AFF1: variants seen among roughly 807,000 people sequenced by gnomAD.
The protein encoded by AFF1 is AF4/FMR2 family member 1.
Under a neutral mutation model 121.7 loss-of-function variants are expected in AFF1, and 48 were observed. The ratio of observed to expected loss-of-function variants is 0.39; its 90% CI spans 0.31 to 0.50. The LOEUF (loss-of-function observed/expected upper bound fraction) is 0.50. Among genes scored for constraint, AFF1 ranks in the 20% least tolerant of loss-of-function variants. The probability of loss-of-function intolerance (pLI) is 0.76; values close to 1 mark genes in which losing one functional copy is unlikely to be tolerated. For synonymous variants in AFF1, 613 were observed against 563.0 expected, an observed-to-expected ratio of 1.09 and a Z score of -1.26; for missense variants, 1,523 against 1,511.7, an observed-to-expected ratio of 1.01 and a Z score of -0.12.
At chr4:87,007,084 T>G in intron 2 of AFF1, 1 of 1,234,946 alleles carries the variant, frequency 8.1e-7, no homozygotes, top group Non-Finnish European at 1.0e-6. Flanking sequence ...CCCGCTGGCT[T>G]TCCCTTCTCA....
At chr4:87,027,784 GTTTTTTTTTT>G in intron 2 of AFF1, among the ~76,000 whole-genome samples, 1 of 90,598 alleles carries the variant, frequency 1.1e-5, no homozygotes, top group East Asian at 3.6e-4. Context: ...TTGCTGTTGG[GTTTTTTTTTT>G]TTTTTTTTTT....
intron 8 of AFF1, 122 bp downstream of exon 8, chr4:87,095,091 A>G (rs1560619545): frequency 1.1e-6 from 1 of 882,546 alleles, no homozygotes; most frequent in South Asian, 1.6e-5. Flanking sequence ...GCTGCATTCT[A>G]AAGGGAAGAA....
rs553660532 is a variant in AFF1, at chr4:86,940,757, C to CT, written c.-37+5525dup. Among the ~76,000 whole-genome samples the CT allele has an allele frequency of 8.5e-3, 1,298 of 152,020 alleles. 24 individuals carry two copies. Among genetic ancestry groups the CT allele is most frequent in the African/African-American group, 0.03 (1,248 of 41,440 alleles). ...TCTGCTCTTCACAGGGAGATTTTATCTTTTTTTTATTTTTCTTTCCCCTAA... is the reference window on the plus strand; with the variant it reads ...TCTGCTCTTCACAGGGAGATTTTATCTTTTTTTTTATTTTTCTTTCCCCTAA... On this transcript the variant is annotated intron_variant, in intron 1 of 20. Coordinates refer to ENST00000395146, the MANE Select transcript of AFF1 (RefSeq NM_001166693.3).
At chr4:87,031,872 ATGTC>A (rs1307484778) in intron 2 of AFF1, among the ~76,000 whole-genome samples, 2 of 152,338 alleles carry the variant, frequency 1.3e-5, no homozygotes, top group Admixed American at 1.3e-4. Flanking sequence ...TCTCAAGTGT[ATGTC>A]TTTCTTAATT....
chr4:87,013,058 T>TTTTTTTTTTG (rs1726958868), intron 2 of AFF1, among the ~76,000 whole-genome samples: 1 of 71,620 alleles, frequency 1.4e-5, no homozygotes, highest in African/African-American at 3.5e-5. Flanking sequence ...TTTTTTTTTT[T>TTTTTTTTTTG]GGGAGACGGA....
chr4:86,967,425 A>C (rs1316410122), intron 2 of AFF1, among the ~76,000 whole-genome samples: 2 of 152,226 alleles, frequency 1.3e-5, no homozygotes, highest in Non-Finnish European at 2.9e-5. Context: ...CTGGTGAGCC[A>C]TGCTAAGAAA....
At chr4:87,130,926 A>G (rs1311736817) in intron 16 of AFF1, among the ~76,000 whole-genome samples, 157 bp from the exon 17 acceptor site, 1 of 152,244 alleles carries the variant, frequency 6.6e-6, no homozygotes, top group East Asian at 1.9e-4. Context: ...CATAGCTGAC[A>G]GGCTTTGGTT....
intron 4 of AFF1, among the ~76,000 whole-genome samples, chr4:87,064,554 CAACATGGTGAGACTGTCTCTACAA>C (rs1195783676): frequency 1.3e-5 from 2 of 152,136 alleles, no homozygotes; most frequent in African/African-American, 2.4e-5. Context: ...CCAACCTGGA[CAACATGGTGAGACTGTCTCTACAA>C]AACATTTTAA....
intron 1 of AFF1, among the ~76,000 whole-genome samples, chr4:86,938,505 CAG>C (rs34210069): frequency 0.062 from 9,207 of 148,902 alleles, 402 homozygotes; most frequent in Non-Finnish European, 0.089. Context: ...CATAAATATA[CAG>C]AGTTTGATTA....
intron 1 of AFF1, among the ~76,000 whole-genome samples, chr4:86,946,271 TC>T (rs1215289445): frequency 2.0e-5 from 3 of 152,208 alleles, no homozygotes; most frequent in Non-Finnish European, 2.9e-5. Context: ...ATTTTGCTTT[TC>T]TAACATCTAT....
At chr4:87,110,939 A>C (rs1726434991) in intron 11 of AFF1, among the ~76,000 whole-genome samples, 2 of 152,132 alleles carry the variant, frequency 1.3e-5, no homozygotes, top group South Asian at 4.1e-4. Flanking sequence ...ACAAAGATAA[A>C]ATATTCCCAG....
chr4:86,983,724 A>AG (rs935810380), intron 2 of AFF1, among the ~76,000 whole-genome samples: 1 of 142,064 alleles, frequency 7.0e-6, no homozygotes, highest in African/African-American at 2.6e-5. Context: ...AAAAACCAAA[A>AG]AAAAAAACAA....
rs1578046231 is a variant in AFF1, at chr4:87,007,525, C to T, written c.39-38641C>T. ...TGCGGGGAAGGAGACGGACAGGAAG[C>T]AGCTTTGTCATTGCCTTCTCATCAT... On this transcript the variant is annotated intron_variant, in intron 2 of 20. Coordinates refer to ENST00000395146, the MANE Select transcript of AFF1 (RefSeq NM_001166693.3). 6.0e-6 allele frequency: 9 copies of T among 1,491,314 alleles called. No individual in the cohort carries two copies. The South Asian group carries it at 9.2e-5, about 15-fold the overall frequency. 92.4% of individuals were successfully genotyped at this position (1,491,314 alleles called of 1,614,324 possible).
chr4:87,060,836 A>C (rs1197201207), intron 4 of AFF1, among the ~76,000 whole-genome samples: 250 of 17,054 alleles, frequency 0.015, 1 homozygote, highest in African/African-American at 0.091. Context: ...ACTCTGTCTC[A>C]AAAAAAAAAA....
chr4:87,113,721 A>G (rs1449294043), intron 11 of AFF1, among the ~76,000 whole-genome samples: 1 of 152,204 alleles, frequency 6.6e-6, no homozygotes, highest in Non-Finnish European at 1.5e-5. Context: ...AATGTTTTTA[A>G]GTAAATGAGA....
chr4:86,995,854 T>C (rs1018638339), intron 2 of AFF1, among the ~76,000 whole-genome samples: 3 of 139,796 alleles, frequency 2.1e-5, no homozygotes, highest in Non-Finnish European at 4.4e-5. Context: ...CGCCATCCCA[T>C]CTGGGAAGTG....
chr4:86,978,266 C>G (rs1723465685), intron 2 of AFF1, among the ~76,000 whole-genome samples: 1 of 139,692 alleles, frequency 7.2e-6, no homozygotes, highest in African/African-American at 2.7e-5. Context: ...TCACTGCAAC[C>G]TCCACCTCCT....
intron 2 of AFF1, among the ~76,000 whole-genome samples, chr4:86,987,619 C>G (rs1229432576): frequency 6.6e-6 from 1 of 152,114 alleles, no homozygotes; most frequent in Non-Finnish European, 1.5e-5. Context: ...AATGATTTGG[C>G]ACACCACCCC....
chr4:87,095,625 TCCGCCCTTTTTTG>T (rs1421282212), intron 8 of AFF1, among the ~76,000 whole-genome samples: 1 of 152,140 alleles, frequency 6.6e-6, no homozygotes, highest in East Asian at 1.9e-4. Flanking sequence ...TTGAAGATTT[TCCGCCCTTTTTTG>T]GCCTAATTTA....
Sources: gnomAD v4.1 joint callset for allele counts (sites outside exome capture counted in the v4.1 genomes callset) on GRCh38, gnomAD v4.1.1 for gene constraint, MANE v1.5 for transcripts, NCBI Gene and HGNC (gene_info 2026-07-23, HGNC 2026-07-21) for gene names.